Variants in ROBO1 observed in about 807,000 individuals in gnomAD.
ROBO1 encodes the protein roundabout guidance receptor 1, also known as roundabout homolog 1.
ROBO1 carries 149 observed loss-of-function variants against 195.9 expected under a neutral mutation model. The ratio of observed to expected loss-of-function variants is 0.76; its 90% CI spans 0.67 to 0.87. The LOEUF (loss-of-function observed/expected upper bound fraction) is 0.87, where lower values mean the gene tolerates loss of function less well. Ranked by LOEUF, ROBO1 falls within the 40% of genes least tolerant of loss-of-function variation. The pLI is 0.00. For synonymous variants in ROBO1, 816 were observed against 733.2 expected, an observed-to-expected ratio of 1.11 and a Z score of -1.82; for missense variants, 1,933 against 2,068.3, an observed-to-expected ratio of 0.93 and a Z score of 1.27.
intron 2 of ROBO1, among the ~76,000 whole-genome samples, chr3:79,274,403 C>T (rs1011494325): frequency 4.0e-5 from 6 of 151,652 alleles, no homozygotes; most frequent in Non-Finnish European, 5.9e-5. Context: ...GAATGACCTG[C>T]GGGTCAATGA....
chr3:79,000,188 C>G (rs577435031), intron 3 of ROBO1, among the ~76,000 whole-genome samples: 5 of 152,214 alleles, frequency 3.3e-5, no homozygotes, highest in South Asian at 2.1e-4. Flanking sequence ...CAAATACATC[C>G]TTCACATGGC....
At chr3:78,809,743 G>GCAGCCAC (rs1287990167) in intron 4 of ROBO1, among the ~76,000 whole-genome samples, 12 of 151,706 alleles carry the variant, frequency 7.9e-5, no homozygotes, top group South Asian at 2.1e-4. Context: ...CACAGAAACA[G>GCAGCCAC]AAAACCAAAC....
At chr3:78,935,745 A>G (rs895874984) in intron 4 of ROBO1, among the ~76,000 whole-genome samples, 4 of 152,072 alleles carry the variant, frequency 2.6e-5, no homozygotes, top group African/African-American at 9.6e-5. Context: ...TCTCATCAAG[A>G]CATGATTATT....
Position 78,982,550 on chromosome 3 carries a change from A to G in ROBO1, c.173-43623T>C, listed in dbSNP as rs189808283. Among the ~76,000 whole-genome samples, 72 of 152,368 alleles carry G rather than the reference A, an allele frequency of 4.7e-4. 1 individual carries two copies. Among genetic ancestry groups the G allele is most frequent in the Non-Finnish European group, 2.9e-5 (2 of 68,030 alleles). On this transcript the variant is annotated intron_variant, in intron 3 of 30. Transcript: ENST00000464233. ...TAGGAAAATAATATCTTAAAATTAT[A>G]GAAATATCAGAGATGCTGACTTAAA...
At chr3:79,446,196 A>G (rs1029834128) in intron 2 of ROBO1, among the ~76,000 whole-genome samples, 11 of 152,208 alleles carry the variant, frequency 7.2e-5, no homozygotes, top group African/African-American at 2.7e-4. Context: ...GTATCCCTTT[A>G]ATTTATACAA....
rs71127358 is a variant in ROBO1, at chr3:78,787,926, C to CTTTTTT, written c.500-41032_500-41027dup. Among the ~76,000 whole-genome samples the CTTTTTT allele has an allele frequency of 7.2e-3, 517 of 71,700 alleles. 27 individuals carry two copies. Among genetic ancestry groups the CTTTTTT allele is most frequent in the Non-Finnish European group, 8.5e-3 (358 of 42,024 alleles). The allele number at this position is 71,700 out of a possible 152,430, so 47.0% of individuals were successfully genotyped here. ...CTGGCCACAGAGTTAGACCCCTTCTCTTTTTTTTTTTTTTTTTTTTTTTTT... is the reference window on the plus strand; with the variant it reads ...CTGGCCACAGAGTTAGACCCCTTCTCTTTTTTTTTTTTTTTTTTTTTTTTTTTTTTT... On this transcript the variant is annotated intron_variant, in intron 4 of 30. Coordinates refer to ENST00000464233, the MANE Select transcript of ROBO1 (RefSeq NM_002941.4).
At chr3:78,856,023 T>A (rs2034402115) in intron 4 of ROBO1, among the ~76,000 whole-genome samples, 1 of 151,978 alleles carries the variant, frequency 6.6e-6, no homozygotes, top group Non-Finnish European at 1.5e-5. Context: ...AAGGGAATAT[T>A]CAGAAATGAC....
chr3:78,685,301 G>A (rs1442896372), intron 10 of ROBO1, among the ~76,000 whole-genome samples: 2 of 151,990 alleles, frequency 1.3e-5, no homozygotes, highest in African/African-American at 4.8e-5. Context: ...CATGTTTAGG[G>A]GAGTTGACAG....
chr3:78,760,300 C>T (rs1288331781), intron 4 of ROBO1, among the ~76,000 whole-genome samples: 4 of 152,112 alleles, frequency 2.6e-5, no homozygotes, highest in Admixed American at 2.0e-4. Flanking sequence ...TGCCTATATA[C>T]CTCTAAAATC....
chr3:78,761,169 C>T (rs3851995), intron 4 of ROBO1, among the ~76,000 whole-genome samples: 10,651 of 151,992 alleles, frequency 0.07, 546 homozygotes, highest in Admixed American at 0.13. Context: ...GAGGAATAAA[C>T]GGTTCTTAGC....
chr3:78,799,836 A>T, intron 4 of ROBO1, among the ~76,000 whole-genome samples: 1 of 152,076 alleles, frequency 6.6e-6, no homozygotes, highest in Admixed American at 6.5e-5. Context: ...GCCATGAATC[A>T]CTTGCCTCAG....
chr3:78,724,040 A>C (rs2082104869), intron 5 of ROBO1, among the ~76,000 whole-genome samples: 1 of 152,174 alleles, frequency 6.6e-6, no homozygotes, highest in African/African-American at 2.4e-5. Context: ...AAATGAAAAA[A>C]TAAACAAGCC....
chr3:79,255,442 C>A (rs1050167443), intron 2 of ROBO1, among the ~76,000 whole-genome samples: 5 of 152,270 alleles, frequency 3.3e-5, no homozygotes, highest in Middle Eastern at 3.4e-3. Context: ...GCAGTTTCGT[C>A]TTAAGACAAA....
At chr3:78,718,820 G>A (rs1463493576) in intron 5 of ROBO1, among the ~76,000 whole-genome samples, 2 of 130,752 alleles carry the variant, frequency 1.5e-5, no homozygotes, top group South Asian at 2.6e-4. Flanking sequence ...GGGAGGGAGA[G>A]AGGGAGAGAG....
chr3:79,463,830 GTTT>G (rs1937796367), intron 2 of ROBO1, among the ~76,000 whole-genome samples: 1 of 152,058 alleles, frequency 6.6e-6, no homozygotes, highest in African/African-American at 2.4e-5. Context: ...CAACCCCATG[GTTT>G]TTATTATATT....
At chr3:79,000,739 A>T (rs901747203) in intron 3 of ROBO1, among the ~76,000 whole-genome samples, 1 of 152,196 alleles carries the variant, frequency 6.6e-6, no homozygotes, top group Non-Finnish European at 1.5e-5. Flanking sequence ...TAGAACCAGA[A>T]ATACCATTTG....
At chr3:79,094,856 C>T (rs1400965659) in intron 3 of ROBO1, among the ~76,000 whole-genome samples, 1 of 147,924 alleles carries the variant, frequency 6.8e-6, no homozygotes, top group Non-Finnish European at 1.5e-5. Flanking sequence ...GTCTCTCTTC[C>T]TCCCTCCCTC....
At chr3:78,909,164 C>T (rs2038098664) in intron 4 of ROBO1, among the ~76,000 whole-genome samples, 1 of 151,650 alleles carries the variant, frequency 6.6e-6, no homozygotes. Context: ...TTCTATTTAT[C>T]TAAAGTTGCC....
At chr3:79,598,904 G>A (rs1348183563) in intron 1 of ROBO1, among the ~76,000 whole-genome samples, 6 of 152,022 alleles carry the variant, frequency 3.9e-5, no homozygotes. Context: ...GCTAACCAGA[G>A]GTCCTGAGCC....
Sources: gnomAD v4.1 joint callset for allele counts (sites outside exome capture counted in the v4.1 genomes callset) on GRCh38, gnomAD v4.1.1 for gene constraint, MANE v1.5 for transcripts, NCBI Gene and HGNC (gene_info 2026-07-23, HGNC 2026-07-21) for gene names.